NUP214: variants seen among roughly 807,000 people sequenced by gnomAD.
NUP214 encodes the protein nucleoporin 214.
In NUP214, 79 loss-of-function variants were observed where a neutral mutation model predicts 196.2. The ratio of observed to expected loss-of-function variants is 0.40; its 90% CI spans 0.34 to 0.49. NUP214 has a LOEUF of 0.49. Ranked by LOEUF, NUP214 falls within the 20% of genes least tolerant of loss-of-function variation. The probability of loss-of-function intolerance (pLI) is 0.58; values close to 1 mark genes in which losing one functional copy is unlikely to be tolerated. For synonymous variants in NUP214, 1,020 were observed against 990.5 expected (o/e 1.03, Z -0.56); for missense variants, 2,468 against 2,539.0 (o/e 0.97, Z 0.60).
At chr9:131,163,782 C>T (rs2133556908) in intron 19 of NUP214, 88 bp from the exon 20 acceptor site, 1 of 866,304 alleles carries the variant, frequency 1.2e-6, no homozygotes, top group Non-Finnish European at 1.9e-6. Context: ...TCATGTCTTG[C>T]ATTTATATTT....
intron 14 of NUP214, among the ~76,000 whole-genome samples, chr9:131,149,343 A>G (rs141756224): frequency 6.6e-6 from 1 of 151,870 alleles, no homozygotes; most frequent in Non-Finnish European, 1.5e-5. Flanking sequence ...AAATTATAGT[A>G]TCTTTAAAGC....
chr9:131,127,734 T>G lies in NUP214; in HGVS notation c.241+15T>G. ...CAACAAAATAGGTAAGTTCCCTGGT[T>G]TATGTTGCAAAGTAGAGAGAGGAGT... On this transcript the variant is annotated intron_variant, in intron 2 of 35. Transcript: ENST00000359428. The G allele has an allele frequency of 6.3e-7, 1 of 1,596,480 alleles. No individual in the cohort carries two copies. Among genetic ancestry groups the G allele is most frequent in the Non-Finnish European group, 8.6e-7 (1 of 1,165,198 alleles).
In NUP214 at chr9:131,192,189, T is replaced by C; in HGVS notation, c.3575-19T>C. 1 of 1,139,272 alleles carries C rather than the reference T, an allele frequency of 8.8e-7. No homozygotes were observed. Among genetic ancestry groups the C allele is most frequent in the Non-Finnish European group, 1.2e-6 (1 of 820,866 alleles). 70.6% of individuals were successfully genotyped at this position (1,139,272 alleles called of 1,614,324 possible). On this transcript the variant is annotated intron_variant, in intron 26 of 35. Coordinates refer to ENST00000359428, the MANE Select transcript of NUP214 (RefSeq NM_005085.4). ...ATATTCTTTTTTTTTTTTTTTTTTT[T>C]TTTTTTCCATAATTTCAGGGACAGC... is the stretch of plus-strand genomic sequence containing the variant.
At chr9:131,164,000 C>G in intron 20 of NUP214, 45 bp downstream of exon 20, 2 of 1,611,858 alleles carry the variant, frequency 1.2e-6, no homozygotes, top group Non-Finnish European at 1.7e-6. Context: ...TATTCTCTTC[C>G]AAGTACTGAT....
At chr9:131,202,522 C>G (rs912224358) in intron 30 of NUP214, among the ~76,000 whole-genome samples, 1 of 152,104 alleles carries the variant, frequency 6.6e-6, no homozygotes, top group African/African-American at 2.4e-5. Flanking sequence ...CTCCCAGGCT[C>G]AAGTCATCCT....
At chr9:131,195,351 T>G (rs1386239899) in intron 28 of NUP214, 57 bp downstream of exon 28, 9 of 1,411,022 alleles carry the variant, frequency 6.4e-6, no homozygotes, top group Non-Finnish European at 9.0e-6. Context: ...TAAGTACAGG[T>G]TATTTTTGCC....
intron 18 of NUP214, among the ~76,000 whole-genome samples, chr9:131,162,689 C>T (rs1373150641): frequency 2.0e-5 from 3 of 152,160 alleles, no homozygotes; most frequent in Non-Finnish European, 4.4e-5. Context: ...TGGTTCCTGA[C>T]TCACACCTCA....
chr9:131,131,335 C>T (rs1191714459), intron 5 of NUP214, among the ~76,000 whole-genome samples: 1 of 152,236 alleles, frequency 6.6e-6, no homozygotes, highest in Admixed American at 6.5e-5. Flanking sequence ...TGCACTCTGT[C>T]ATCCTCCCTG....
rs572583852 is a variant in NUP214, at chr9:131,208,087, G to A, written c.5592+6370G>A. Among the ~76,000 whole-genome samples, 4 of 152,320 alleles carry A rather than the reference G, an allele frequency of 2.6e-5. No homozygotes were observed. In the East Asian group the frequency reaches 5.8e-4, roughly 22 times the overall value. ...TAAAAAATAAAAATAACCAGTGTTA[G>A]CAATGATACAAAGAAATTAGAACCC... On this transcript the variant is annotated intron_variant, in intron 30 of 35. Transcript: ENST00000359428.
chr9:131,196,748 G>T (rs911569333), intron 28 of NUP214, among the ~76,000 whole-genome samples: 1 of 152,044 alleles, frequency 6.6e-6, no homozygotes, highest in African/African-American at 2.4e-5. Context: ...GCCATTAATT[G>T]TACATAAAAA....
At chr9:131,144,221 T>C in intron 11 of NUP214, 59 bp from the exon 12 acceptor site, 1 of 1,304,700 alleles carries the variant, frequency 7.7e-7, no homozygotes, top group Non-Finnish European at 1.1e-6. Flanking sequence ...TTGCTTTCTA[T>C]TATGTGAACC....
intron 28 of NUP214, 77 bp downstream of exon 28, chr9:131,195,371 G>A (rs1207255195): frequency 4.3e-6 from 5 of 1,153,394 alleles, no homozygotes; most frequent in Non-Finnish European, 5.2e-6. Flanking sequence ...CCACATGTTA[G>A]TATTTGACTT....
intron 30 of NUP214, among the ~76,000 whole-genome samples, chr9:131,209,378 T>G (rs1450505860): frequency 1.3e-5 from 2 of 152,080 alleles, no homozygotes; most frequent in East Asian, 3.9e-4. Flanking sequence ...GAGAACCCTG[T>G]CTCAGTCAGT....
At chr9:131,148,962 G>A (rs1274995618) in intron 14 of NUP214, among the ~76,000 whole-genome samples, 1 of 151,898 alleles carries the variant, frequency 6.6e-6, no homozygotes, top group African/African-American at 2.4e-5. Flanking sequence ...CTATTTCAAG[G>A]TCAAAAAGAT....
chr9:131,193,752 A>C (rs909566453), intron 27 of NUP214: 1 of 144,444 alleles, frequency 6.9e-6, no homozygotes, highest in Non-Finnish European at 1.5e-5. Context: ...CCCGGGTTCA[A>C]GTGATTCTCT....
intron 17 of NUP214, among the ~76,000 whole-genome samples, chr9:131,154,575 G>T (rs181706327): frequency 6.6e-6 from 1 of 152,278 alleles, no homozygotes; most frequent in Admixed American, 6.5e-5. Flanking sequence ...TTGAACTCCT[G>T]ACTTCAAGTG....
At chr9:131,140,467 C>T in intron 10 of NUP214, 82 bp from the exon 11 acceptor site, 3 of 1,217,898 alleles carry the variant, frequency 2.5e-6, no homozygotes, top group Non-Finnish European at 3.5e-6. Context: ...AAACCCTCTT[C>T]ATGTTGAGGG....
At chr9:131,185,596 A>G (rs1833430851) in intron 24 of NUP214, among the ~76,000 whole-genome samples, 5 of 152,238 alleles carry the variant, frequency 3.3e-5, no homozygotes, top group Admixed American at 1.3e-4. Context: ...GATCATTTCT[A>G]GCTATTGATT....
At chr9:131,164,922 A>G (rs969336598) in intron 21 of NUP214, among the ~76,000 whole-genome samples, 3 of 152,202 alleles carry the variant, frequency 2.0e-5, no homozygotes, top group Non-Finnish European at 4.4e-5. Flanking sequence ...TTTTCAGTTA[A>G]AATTTTTTTA....
Sources: allele counts gnomAD v4.1 joint callset (sites outside exome capture counted in the v4.1 genomes callset), GRCh38; gene constraint gnomAD v4.1.1; transcripts MANE v1.5; gene names NCBI Gene and HGNC (gene_info 2026-07-23, HGNC 2026-07-21).